The following NLGN4X variants were observed in gnomAD, a reference collection of about 807,000 sequenced individuals.
NLGN4X encodes the protein neuroligin-4, X-linked.
A neutral mutation model predicts 40.3 loss-of-function variants in NLGN4X; 3 were observed. The observed-to-expected ratio is 0.07, with a 90% CI of 0.03 to 0.19. The LOEUF (loss-of-function observed/expected upper bound fraction) is 0.19, where lower values mean the gene tolerates loss of function less well. NLGN4X is among the 10% of genes least tolerant of loss of function. NLGN4X has a pLI of 1.00. For missense variants in NLGN4X, 382 were observed against 708.3 expected (o/e 0.54, Z 5.23); for synonymous variants, 270 against 306.8 (o/e 0.88, Z 1.25).
At chrX:6,208,354 C>T (rs185355921) in intron 1 of NLGN4X, among the ~76,000 whole-genome samples, 112 of 112,236 alleles carry the variant, frequency 1.0e-3, no homozygotes, top group African/African-American at 3.5e-3. Context: ...TTTGTTTTCT[C>T]GTAAGCTCTC....
intron 1 of NLGN4X, among the ~76,000 whole-genome samples, chrX:6,189,013 A>G (rs1352882459): frequency 2.7e-5 from 3 of 112,805 alleles, no homozygotes; most frequent in Non-Finnish European, 5.6e-5. Flanking sequence ...CTTCTCAGCT[A>G]GCTGTGGTTC....
intron 3 of NLGN4X, among the ~76,000 whole-genome samples, chrX:6,000,071 T>C (rs758599945): frequency 8.9e-6 from 1 of 112,379 alleles, no homozygotes; most frequent in African/African-American, 3.2e-5. Flanking sequence ...GCCAGGCCCA[T>C]GGACAAAAGT....
rs145597509 is a variant in NLGN4X, at chrX:6,223,843, A to C, written c.-306+4698T>G. On this transcript the variant is annotated intron_variant, in intron 1 of 5. Coordinates refer to ENST00000381095, the MANE Select transcript of NLGN4X (RefSeq NM_181332.3). ...GTGGTGGCTATTCAAATCTGTCTGA[A>C]TATCCATTCACATAATTAAATAGGA... is the stretch of plus-strand genomic sequence containing the variant. Among the ~76,000 whole-genome samples, 376 of 112,988 alleles carry C rather than the reference A, an allele frequency of 3.3e-3. 3 individuals are homozygous for C. The highest frequency in any genetic ancestry group is 0.012 in the African/African-American group (360 of 31,161).
chrX:5,903,924 T>C, intron 4 of NLGN4X, 58 bp from the exon 5 acceptor site: 1 of 1,172,968 alleles, frequency 8.5e-7, no homozygotes, highest in Non-Finnish European at 1.2e-6. Context: ...AAATGCAGCT[T>C]TTACTGAGCA....
intron 2 of NLGN4X, among the ~76,000 whole-genome samples, chrX:6,147,678 T>C (rs112593562): frequency 1.0e-5 from 1 of 96,297 alleles, no homozygotes; most frequent in Admixed American, 1.2e-4. Flanking sequence ...TCTCTCTCTG[T>C]CACATACACA....
At chrX:6,118,551 A>C (rs1457717250) in intron 2 of NLGN4X, among the ~76,000 whole-genome samples, 2 of 111,496 alleles carry the variant, frequency 1.8e-5, no homozygotes, top group African/African-American at 3.3e-5. Flanking sequence ...CCTTTAAAAT[A>C]TTCCCAGAAT....
intron 3 of NLGN4X, among the ~76,000 whole-genome samples, chrX:5,960,713 A>G (rs2034632243): frequency 9.0e-6 from 1 of 111,700 alleles, no homozygotes; most frequent in Non-Finnish European, 1.9e-5. Flanking sequence ...TAAGTAAAAT[A>G]GCGGCACATG....
At chrX:5,950,215 A>G (rs1601938506) in intron 3 of NLGN4X, among the ~76,000 whole-genome samples, 1 of 111,975 alleles carries the variant, frequency 8.9e-6, no homozygotes, top group African/African-American at 3.2e-5. Flanking sequence ...CAATAACCAC[A>G]TGTGGCTATT....
chrX:6,195,776 A>G (rs1922985339), intron 1 of NLGN4X, among the ~76,000 whole-genome samples: 1 of 110,627 alleles, frequency 9.0e-6, no homozygotes, highest in Non-Finnish European at 1.9e-5. Context: ...GGTAAAAATT[A>G]TTATTATTAT....
intron 3 of NLGN4X, among the ~76,000 whole-genome samples, chrX:6,024,458 C>A (rs1256748918): frequency 9.0e-6 from 1 of 110,925 alleles, no homozygotes; most frequent in Non-Finnish European, 1.9e-5. Flanking sequence ...GGCTGGGTAA[C>A]GTAAGGCTGG....
chrX:5,962,735 G>A (rs767413156), intron 3 of NLGN4X, among the ~76,000 whole-genome samples: 1 of 111,554 alleles, frequency 9.0e-6, no homozygotes, highest in Non-Finnish European at 1.9e-5. Flanking sequence ...TGGAGTACTC[G>A]TGAATGAGGT....
At chrX:6,048,497 C>T (rs959004870) in intron 2 of NLGN4X, among the ~76,000 whole-genome samples, 3 of 111,555 alleles carry the variant, frequency 2.7e-5, no homozygotes, top group Admixed American at 9.5e-5. Flanking sequence ...TTCTAATAAT[C>T]GCCATTCTGA....
intron 2 of NLGN4X, among the ~76,000 whole-genome samples, chrX:6,067,111 C>CCA (rs1285806275): frequency 9.2e-6 from 1 of 109,261 alleles, no homozygotes; most frequent in Non-Finnish European, 1.9e-5. Context: ...ACAGTCCCCC[C>CCA]CCCAAAACAA....
At chrX:6,119,226 T>A (rs1038930311) in intron 2 of NLGN4X, among the ~76,000 whole-genome samples, 8 of 111,926 alleles carry the variant, frequency 7.1e-5, no homozygotes, top group Admixed American at 2.9e-4. Context: ...GAATGAATGA[T>A]TGAATGCCTA....
intron 2 of NLGN4X, among the ~76,000 whole-genome samples, chrX:6,065,569 G>A (rs904260972): frequency 9.0e-6 from 1 of 111,269 alleles, no homozygotes; most frequent in African/African-American, 3.3e-5. Context: ...TGTTTAAGGG[G>A]AGAAGGTGGA....
intron 2 of NLGN4X, among the ~76,000 whole-genome samples, chrX:6,074,730 T>G (rs981237026): frequency 5.4e-5 from 6 of 111,299 alleles, no homozygotes; most frequent in Non-Finnish European, 1.1e-4. Flanking sequence ...AAGAAAGCAA[T>G]GAAATCATGA....
Position 5,891,871 on chromosome X carries a change from G to C in NLGN4X, c.*946C>G, listed in dbSNP as rs376804890. 2.4e-4 allele frequency: 32 copies of C among 130,646 alleles called. No individual in the cohort carries two copies. In the East Asian group the frequency reaches 4.7e-3, roughly 19 times the overall value. 10.8% of individuals were successfully genotyped at this position (130,646 alleles called of 1,213,427 possible). On this transcript the variant is annotated 3_prime_UTR_variant, in exon 6 of 6. Transcript: ENST00000381095. ...CTTGCATGCACCTGTGCAACCTGAC[G>C]GGGGAAATAGGCCACACAGACCGTC...
At chrX:5,941,180 G>GTGTGTGTGTGTGTGT (rs1569143828) in intron 3 of NLGN4X, among the ~76,000 whole-genome samples, 9 of 58,625 alleles carry the variant, frequency 1.5e-4, no homozygotes, top group Admixed American at 2.1e-4. Context: ...TATGCTAGGG[G>GTGTGTGTGTGTGTGT]GTGTGTGTGT....
Position 5,892,305 on chromosome X carries a change from G to A in NLGN4X, c.*512C>T, listed in dbSNP as rs190728907. On this transcript the variant is annotated 3_prime_UTR_variant, in exon 6 of 6. Coordinates refer to ENST00000381095, the MANE Select transcript of NLGN4X (RefSeq NM_181332.3). ...CATTCTTTTAATAATAAATTTCTAC[G>A]TTTCCTTCTCTCTGGATTACAGCTC... is the stretch of plus-strand genomic sequence containing the variant. 355 of 154,286 alleles carry A rather than the reference G, an allele frequency of 2.3e-3. No homozygotes were observed. The highest frequency in any genetic ancestry group is 9.7e-3 in the African/African-American group (308 of 31,800). 12.7% of individuals were successfully genotyped at this position (154,286 alleles called of 1,213,427 possible).
Sources: allele counts gnomAD v4.1 joint callset (sites outside exome capture counted in the v4.1 genomes callset), GRCh38; gene constraint gnomAD v4.1.1; transcripts MANE v1.5; gene names NCBI Gene and HGNC (gene_info 2026-07-23, HGNC 2026-07-21).